Variants in MESD observed in about 807,000 individuals in gnomAD.
MESD encodes mesoderm development LRP chaperone.
A neutral mutation model predicts 12.9 loss-of-function variants in MESD; 7 were observed. That is an observed-to-expected ratio of 0.54 (90% CI 0.31 to 1.02). The LOEUF is 1.02. Among genes scored for constraint, MESD ranks in the 50% least tolerant of loss-of-function variants. The pLI is 0.05. For synonymous variants in MESD, 126 were observed against 115.6 expected (o/e 1.09, Z -0.58); for missense variants, 342 against 296.7 (o/e 1.15, Z -1.12).
At chr15:80,954,216 T>TTGCGCCCCC (rs1901915549) in intron 3 of MESD, among the ~76,000 whole-genome samples, 1 of 152,174 alleles carries the variant, frequency 6.6e-6, no homozygotes, top group Non-Finnish European at 1.5e-5. Context: ...TGCCTTGATA[T>TTGCGCCCCC]TGCGCCCCCT....
intron 1 of MESD, among the ~76,000 whole-genome samples, chr15:80,985,221 A>G (rs1902696328): frequency 6.6e-6 from 1 of 152,206 alleles, no homozygotes; most frequent in Non-Finnish European, 1.5e-5. Flanking sequence ...CTCCATCACT[A>G]TGTGGCCTTG....
At chr15:80,989,514 A>G in intron 1 of MESD, 65 bp downstream of exon 1, 3 of 1,526,972 alleles carry the variant, frequency 2.0e-6, no homozygotes, top group Non-Finnish European at 2.7e-6. Context: ...CAGAACAGGT[A>G]AGGGGTCATA....
intron 1 of MESD, 32 bp downstream of exon 1, chr15:80,989,547 A>G: frequency 6.2e-7 from 1 of 1,602,650 alleles, no homozygotes; most frequent in South Asian, 1.1e-5. Context: ...CCGCACAGAG[A>G]AGAGCCGGGA....
chr15:80,971,422 G>A (rs1902286026), downstream of MESD, among the ~76,000 whole-genome samples: 1 of 152,078 alleles, frequency 6.6e-6, no homozygotes, highest in African/African-American at 2.4e-5. Flanking sequence ...CTTGACCTTG[G>A]ACTGCTGAGC....
At chr15:80,987,755 T>G (rs7181224) in intron 1 of MESD, among the ~76,000 whole-genome samples, 1 of 151,978 alleles carries the variant, frequency 6.6e-6, no homozygotes, top group South Asian at 2.1e-4. Context: ...TCCCAAAGTG[T>G]TGGGATTACA....
intron 3 of MESD, among the ~76,000 whole-genome samples, chr15:80,962,353 C>T (rs1242605939): frequency 6.6e-6 from 1 of 152,134 alleles, no homozygotes; most frequent in Non-Finnish European, 1.5e-5. Context: ...AGTTCTCAGA[C>T]ACCTACAAAG....
intron 3 of MESD, among the ~76,000 whole-genome samples, chr15:80,970,198 A>G (rs1031178184): frequency 1.3e-5 from 2 of 152,214 alleles, no homozygotes; most frequent in African/African-American, 4.8e-5. Context: ...ATGGTGGGGA[A>G]GCCGTGAGGC....
chr15:80,978,210 T>C lies in MESD; in HGVS notation c.*1009A>G, dbSNP rs994128299. 2 of 152,194 alleles carry C rather than the reference T, an allele frequency of 1.3e-5. No homozygotes were observed. Among genetic ancestry groups the C allele is most frequent in the Non-Finnish European group, 1.5e-5 (1 of 68,038 alleles). 9.4% of individuals were successfully genotyped at this position (152,194 alleles called of 1,614,324 possible). On this transcript the variant is annotated 3_prime_UTR_variant, in exon 3 of 3. Coordinates refer to ENST00000261758, the MANE Select transcript of MESD (RefSeq NM_015154.3). ...ACTGACATTTTCTAACCATGTAATGTGCTACTTTTAATTTATTAAAATCAC... is the reference window on the plus strand; with the variant it reads ...ACTGACATTTTCTAACCATGTAATGCGCTACTTTTAATTTATTAAAATCAC...
intron 1 of MESD, among the ~76,000 whole-genome samples, chr15:80,982,676 G>C (rs367857599): frequency 6.6e-6 from 1 of 152,224 alleles, no homozygotes; most frequent in African/African-American, 2.4e-5. Context: ...CCTGTAGAAG[G>C]GGGGACAAGG....
intron 4 of MESD, chr15:80,950,262 G>C (rs1335098027): frequency 6.6e-6 from 1 of 152,306 alleles, no homozygotes; most frequent in Non-Finnish European, 1.5e-5. Flanking sequence ...AGATGGGAAA[G>C]AACCACACAG....
chr15:80,947,287 A>G, downstream of MESD: 1 of 521,594 alleles, frequency 1.9e-6, no homozygotes, highest in South Asian at 2.5e-5. Context: ...ATAACTTGCC[A>G]CCAGCCACTG....
intron 3 of MESD, among the ~76,000 whole-genome samples, chr15:80,965,705 AG>A (rs1902163566): frequency 6.6e-6 from 1 of 152,248 alleles, no homozygotes; most frequent in Non-Finnish European, 1.5e-5. Flanking sequence ...TCACAAGGAC[AG>A]AAAGCCAAAC....
At chr15:80,958,188 C>G (rs1902022318) in intron 3 of MESD, among the ~76,000 whole-genome samples, 1 of 152,072 alleles carries the variant, frequency 6.6e-6, no homozygotes, top group Non-Finnish European at 1.5e-5. Context: ...GTTCCTCTAC[C>G]CTCCCATTCG....
intron 2 of MESD, among the ~76,000 whole-genome samples, chr15:80,980,123 G>A (rs776707950): frequency 2.6e-5 from 4 of 152,158 alleles, no homozygotes; most frequent in Non-Finnish European, 5.9e-5. Context: ...TACACCACGC[G>A]TTCCCCCTTC....
At chr15:80,967,248 C>T (rs938222277) in intron 3 of MESD, among the ~76,000 whole-genome samples, 2 of 152,000 alleles carry the variant, frequency 1.3e-5, no homozygotes, top group African/African-American at 2.4e-5. Context: ...ACCGAGATCA[C>T]ACCATTGCAC....
intron 3 of MESD, among the ~76,000 whole-genome samples, chr15:80,953,963 TC>T (rs1901909728): frequency 6.6e-6 from 1 of 152,128 alleles, no homozygotes; most frequent in Admixed American, 6.5e-5. Flanking sequence ...TGCCTGCATC[TC>T]CAATCTGGTC....
At chr15:80,975,208 CAAAAAAAAAAAACA>C (rs1466621771), downstream of MESD, among the ~76,000 whole-genome samples, 5 of 65,266 alleles carry the variant, frequency 7.7e-5, no homozygotes, top group African/African-American at 9.7e-5. Context: ...TCCATTTCTC[CAAAAAAAAAAAACA>C]AAAAAAAAAA....
At chr15:80,964,263 A>G (rs1902137656) in intron 3 of MESD, among the ~76,000 whole-genome samples, 1 of 152,190 alleles carries the variant, frequency 6.6e-6, no homozygotes, top group African/African-American at 2.4e-5. Flanking sequence ...AATCCAACTT[A>G]CAAGGGATGT....
chr15:80,951,921 C>CCTT, intron 4 of MESD: 1 of 256,930 alleles, frequency 3.9e-6, no homozygotes. Context: ...ACTTCCATGG[C>CCTT]CTTATTCCCA....
Sources: allele counts gnomAD v4.1 joint callset (sites outside exome capture counted in the v4.1 genomes callset), GRCh38; gene constraint gnomAD v4.1.1; transcripts MANE v1.5; gene names NCBI Gene and HGNC (gene_info 2026-07-23, HGNC 2026-07-21).